ANKRD17: variants seen among roughly 807,000 people sequenced by gnomAD.
The protein encoded by ANKRD17 is ankyrin repeat domain-containing protein 17.
In ANKRD17, 19 loss-of-function variants were observed where a neutral mutation model predicts 229.7. The observed-to-expected ratio is 0.08, with a 90% CI of 0.06 to 0.12. ANKRD17 has a LOEUF of 0.12. Ranked by LOEUF, ANKRD17 falls within the 10% of genes least tolerant of loss-of-function variation. ANKRD17 has a pLI of 1.00. For synonymous variants in ANKRD17, 1,112 were observed against 1,146.1 expected (o/e 0.97, Z 0.60); for missense variants, 2,176 against 3,176.8 (o/e 0.68, Z 7.57).
intron 24 of ANKRD17, chr4:73,112,631 T>C (rs1407765370): frequency 1.4e-5 from 8 of 589,936 alleles, no homozygotes; most frequent in African/African-American, 4.0e-5. Context: ...TTCATATTAA[T>C]GTAGGACAAA....
chr4:73,196,791 T>C (rs1029889790), intron 1 of ANKRD17, among the ~76,000 whole-genome samples: 2 of 152,356 alleles, frequency 1.3e-5, no homozygotes, highest in Middle Eastern at 3.4e-3. Context: ...TCTTAGCTTA[T>C]TGTAAAAACT....
intron 1 of ANKRD17, among the ~76,000 whole-genome samples, chr4:73,221,630 C>T (rs1006231155): frequency 3.3e-5 from 5 of 152,168 alleles, no homozygotes; most frequent in Admixed American, 2.0e-4. Context: ...AATTACTAAA[C>T]TCCTTTGATG....
intron 25 of ANKRD17, chr4:73,101,227 A>T (rs1279396057): frequency 8.2e-6 from 8 of 973,638 alleles, no homozygotes; most frequent in Non-Finnish European, 9.8e-6. Context: ...TAACCTTTTG[A>T]TTATAACCTA....
rs552549272 is a variant in ANKRD17, at chr4:73,138,724, C to A, written c.3085+807G>T. Reference sequence around the variant, plus strand: ...ATGAAGCAAATTATCCTTCTCAGTACAGCATTCTTATGGTTCACAACCCTA... The same window carrying A: ...ATGAAGCAAATTATCCTTCTCAGTAAAGCATTCTTATGGTTCACAACCCTA... On this transcript the variant is annotated intron_variant, in intron 15 of 33. Transcript: ENST00000358602. Among the ~76,000 whole-genome samples the A allele has an allele frequency of 3.3e-5, 5 of 152,080 alleles. No individual in the cohort carries two copies. The South Asian group carries it at 1.0e-3, about 32-fold the overall frequency.
intron 1 of ANKRD17, among the ~76,000 whole-genome samples, chr4:73,191,827 A>T (rs911198277): frequency 6.6e-6 from 1 of 152,034 alleles, no homozygotes; most frequent in Non-Finnish European, 1.5e-5. Context: ...TTCAAGGATA[A>T]TTTTTCAGAA....
At chr4:73,125,897 A>G (rs1232193996) in intron 16 of ANKRD17, among the ~76,000 whole-genome samples, 2 of 152,170 alleles carry the variant, frequency 1.3e-5, no homozygotes, top group African/African-American at 4.8e-5. Flanking sequence ...TTTTGCTTTC[A>G]GCCATTAATG....
In ANKRD17 at chr4:73,173,174, A is replaced by T. The variant is rs1734272752; in HGVS notation, c.547+4206T>A. Among the ~76,000 whole-genome samples the T allele has an allele frequency of 2.0e-5, 3 of 152,364 alleles. No homozygotes were observed. In the South Asian group the frequency reaches 6.2e-4, roughly 32 times the overall value. On this transcript the variant is annotated intron_variant, in intron 2 of 33. Coordinates refer to ENST00000358602, the MANE Select transcript of ANKRD17 (RefSeq NM_032217.5). Reference sequence around the variant, plus strand: ...GCAAGAGTAGCTATACTTACATTGCACAAAATAGATTTCAACACAAAAATA... The same window carrying T: ...GCAAGAGTAGCTATACTTACATTGCTCAAAATAGATTTCAACACAAAAATA...
Position 73,146,847 on chromosome 4 carries a change from T to C in ANKRD17, c.1786A>G (p.Thr596Ala). 1.9e-6 allele frequency: 3 copies of C among 1,612,674 alleles called. No individual in the cohort carries two copies. Among genetic ancestry groups the C allele is most frequent in the Non-Finnish European group, 2.5e-6 (3 of 1,179,108 alleles). The change falls in exon 10 of 34, where the codon ACA (threonine) becomes GCA (alanine). Residue 596 changes from threonine (T) to alanine (A), a missense_variant. Around this residue, in one of 18 missense-constraint regions of ANKRD17, gnomAD observed 275 missense variants for 386.9 expected, o/e 0.71. Transcript: ENST00000358602. ...AGANVHATTA[T>A]GDTALTYACE... Reference sequence around the variant, plus strand: ...GCATATGTTAGTGCTGTATCCCCTGTTGCTGTTGTTGCATGAACGTTAGCT... The same window carrying C: ...GCATATGTTAGTGCTGTATCCCCTGCTGCTGTTGTTGCATGAACGTTAGCT...
At chr4:73,184,701 C>T (rs181714463) in intron 1 of ANKRD17, among the ~76,000 whole-genome samples, 1 of 152,020 alleles carries the variant, frequency 6.6e-6, no homozygotes, top group African/African-American at 2.4e-5. Flanking sequence ...ATAATCAATA[C>T]CTTCCATAAA....
chr4:73,073,884 T>A lies in ANKRD17; in HGVS notation c.*2347A>T, dbSNP rs1189310092. 3 of 152,038 alleles carry A rather than the reference T, an allele frequency of 2.0e-5. No individual in the cohort carries two copies. The highest frequency in any genetic ancestry group is 4.4e-5 in the Non-Finnish European group (3 of 67,898). The allele number at this position is 152,038 out of a possible 1,614,324, so 9.4% of individuals were successfully genotyped here. A position where few individuals can be genotyped will look rare whatever the true frequency, so the allele number is the denominator to read the frequency against. On this transcript the variant is annotated 3_prime_UTR_variant, in exon 34 of 34. Transcript: ENST00000358602. ...CTAACCCAAGTGTAATGTCCAAGAGTTAAATCATTTCTTAAAACAATGATG... is the reference window on the plus strand; with the variant it reads ...CTAACCCAAGTGTAATGTCCAAGAGATAAATCATTTCTTAAAACAATGATG...
rs750670125 is a variant in ANKRD17 at position 73,121,019 on chromosome 4, C to A, written c.3711G>T (p.Leu1237=). The A allele has an allele frequency of 1.2e-6, 2 of 1,613,780 alleles. No individual in the cohort carries two copies. The highest frequency in any genetic ancestry group is 1.3e-5 in the African/African-American group (1 of 74,892). ...MNGHTAAVKL[L]LDMGSDINAQ... ...CATTTATGTCAGAGCCCATGTCTAA[C>A]AGGAGCTTAACAGCAGCTGTATGCC... The change falls in exon 20 of 34, where the codon CTG becomes CTT. Residue 1237 remains leucine, a synonymous_variant. Coordinates refer to ENST00000358602, the MANE Select transcript of ANKRD17 (RefSeq NM_032217.5).
intron 30 of ANKRD17, among the ~76,000 whole-genome samples, chr4:73,079,298 T>C (rs1721312782): frequency 6.6e-6 from 1 of 152,236 alleles, no homozygotes; most frequent in African/African-American, 2.4e-5. Flanking sequence ...CTTTGTGTTA[T>C]GATGAAAAAG....
intron 1 of ANKRD17, among the ~76,000 whole-genome samples, chr4:73,250,599 AAAAAAAAAAAAAAAAACAG>A (rs1744916240): frequency 6.9e-6 from 1 of 145,922 alleles, no homozygotes; most frequent in Admixed American, 6.7e-5. Context: ...CAAAAAAAAA[AAAAAAAAAAAAAAAAACAG>A]AAAAAAAGAG....
In ANKRD17 at chr4:73,177,548, C is replaced by CA. The variant is rs1206111491; in HGVS notation, c.394-16dup. On this transcript the variant is annotated splice_polypyrimidine_tract_variant and intron_variant, in intron 1 of 33. Coordinates refer to ENST00000358602, the MANE Select transcript of ANKRD17 (RefSeq NM_032217.5). ...AAAGACTCCACCTATAAAACAAATG[C>CA]AAAAAGAGGGAGGAAGGGAGAAATG... is the stretch of plus-strand genomic sequence containing the variant. 4 of 1,572,854 alleles carry CA rather than the reference C, an allele frequency of 2.5e-6. No homozygotes were observed. Among genetic ancestry groups the CA allele is most frequent in the African/African-American group, 1.4e-5 (1 of 73,176 alleles).
At position 73,211,764 on chromosome 4, in the gene ANKRD17, T is replaced by C. The variant is rs796559100; in HGVS notation, c.394-34231A>G. Among the ~76,000 whole-genome samples the C allele has an allele frequency of 1.5e-4, 22 of 151,604 alleles. 1 individual carries two copies. The highest frequency in any genetic ancestry group is 5.3e-4 in the African/African-American group (22 of 41,286). ...TGGGAGGCTGAGGCAGGAGAATCACTTGAACCCGGGAGGCAGAGGTCGCAG... is the reference window on the plus strand; with the variant it reads ...TGGGAGGCTGAGGCAGGAGAATCACCTGAACCCGGGAGGCAGAGGTCGCAG... On this transcript the variant is annotated intron_variant, in intron 1 of 33. Transcript: ENST00000358602.
Position 73,258,720 on chromosome 4 carries a change from C to A in ANKRD17, c.-52G>T, listed in dbSNP as rs1163411793. ...CGGGGGAGGGGCGTGGGGCTACGCTCTACCGCGACTTCGGCCGCACTGGGG... is the reference window on the plus strand; with the variant it reads ...CGGGGGAGGGGCGTGGGGCTACGCTATACCGCGACTTCGGCCGCACTGGGG... On this transcript the variant is annotated 5_prime_UTR_variant, in exon 1 of 34. Coordinates refer to ENST00000358602, the MANE Select transcript of ANKRD17 (RefSeq NM_032217.5). 4.3e-6 allele frequency: 6 copies of A among 1,391,400 alleles called. No homozygotes were observed. The South Asian group carries it at 6.4e-5, about 15-fold the overall frequency. The allele number at this position is 1,391,400 out of a possible 1,614,324, so 86.2% of individuals were successfully genotyped here.
rs993345972 is a variant in ANKRD17 at position 73,258,752 on chromosome 4, C to G, written c.-84G>C. ...GACTTCGGCCGCACTGGGGCCGACACAGCAATCGGTGCCGCCTCCGCCGCC... is the reference window on the plus strand; with the variant it reads ...GACTTCGGCCGCACTGGGGCCGACAGAGCAATCGGTGCCGCCTCCGCCGCC... On this transcript the variant is annotated 5_prime_UTR_variant, in exon 1 of 34. Transcript: ENST00000358602. 1.6e-4 allele frequency: 220 copies of G among 1,358,670 alleles called. 1 individual carries two copies. In the African/African-American group the frequency reaches 3.2e-3, roughly 20 times the overall value. The allele number at this position is 1,358,670 out of a possible 1,614,324, so 84.2% of individuals were successfully genotyped here.
chr4:73,108,349 AAAG>A (rs1724886006), intron 24 of ANKRD17, among the ~76,000 whole-genome samples: 1 of 152,198 alleles, frequency 6.6e-6, no homozygotes, highest in Non-Finnish European at 1.5e-5. Context: ...GAAGTTTAGC[AAAG>A]AAGTCTGGGC....
At chr4:73,122,346 A>G (rs1277498444) in intron 18 of ANKRD17, among the ~76,000 whole-genome samples, 1 of 152,174 alleles carries the variant, frequency 6.6e-6, no homozygotes, top group Non-Finnish European at 1.5e-5. Flanking sequence ...CACTCCCTTC[A>G]ATAATGCATG....
Sources: allele counts gnomAD v4.1 joint callset (sites outside exome capture counted in the v4.1 genomes callset), GRCh38; gene constraint gnomAD v4.1.1; regional missense constraint gnomAD v4.1.1; transcripts MANE v1.5; gene names NCBI Gene and HGNC (gene_info 2026-07-23, HGNC 2026-07-21).